Variants in MYT1L observed in about 807,000 individuals in gnomAD.
The protein encoded by MYT1L is myelin transcription factor 1 like.
In MYT1L, 12 loss-of-function variants were observed where a neutral mutation model predicts 126.7. The ratio of observed to expected loss-of-function variants is 0.09; its 90% CI spans 0.06 to 0.15. The LOEUF is 0.15. MYT1L is among the 10% of genes least tolerant of loss of function. The probability of loss-of-function intolerance (pLI) is 1.00; values close to 1 mark genes in which losing one functional copy is unlikely to be tolerated. For synonymous variants in MYT1L, 541 were observed against 604.2 expected, an observed-to-expected ratio of 0.90 and a Z score of 1.53; for missense variants, 979 against 1,585.2, an observed-to-expected ratio of 0.62 and a Z score of 6.49.
At chr2:2,279,792 G>T (rs1342531622) in intron 2 of MYT1L, among the ~76,000 whole-genome samples, 5 of 152,154 alleles carry the variant, frequency 3.3e-5, no homozygotes, top group Non-Finnish European at 7.3e-5. Flanking sequence ...ATACCCTCAA[G>T]CGGGCAACAC....
intron 21 of MYT1L, among the ~76,000 whole-genome samples, chr2:1,820,861 T>G (rs369305431): frequency 1.3e-5 from 2 of 152,134 alleles, no homozygotes; most frequent in South Asian, 4.2e-4. Flanking sequence ...TGACTTTAAG[T>G]AAGGAGATTA....
intron 2 of MYT1L, among the ~76,000 whole-genome samples, chr2:2,256,997 A>C (rs2094829955): frequency 6.6e-6 from 1 of 152,174 alleles, no homozygotes. Flanking sequence ...TTACTGAAAA[A>C]CAGATTTTCA....
At position 2,148,855 on chromosome 2, in the gene MYT1L, G is replaced by T. The variant is rs150116227; in HGVS notation, c.-304+24017C>A. 1.2e-4 allele frequency among the ~76,000 whole-genome samples: 18 copies of T among 152,074 alleles called. No individual in the cohort carries two copies. In the East Asian group the frequency reaches 3.5e-3, roughly 29 times the overall value. The stretch of plus-strand genomic sequence containing the variant: ...GATGCACCCGGATTATTTTATTATG[G>T]AATTCTTCTTATGTGGCATATAGGT... On this transcript the variant is annotated intron_variant, in intron 3 of 24. Coordinates refer to ENST00000647738, the MANE Select transcript of MYT1L (RefSeq NM_001303052.2).
intron 3 of MYT1L, among the ~76,000 whole-genome samples, chr2:2,076,513 A>T (rs2075244629): frequency 6.6e-6 from 1 of 152,200 alleles, no homozygotes; most frequent in African/African-American, 2.4e-5. Context: ...ACTAACCAAT[A>T]AACAGACAAA....
At chr2:2,108,675 C>T (rs369845636) in intron 3 of MYT1L, among the ~76,000 whole-genome samples, 4 of 152,194 alleles carry the variant, frequency 2.6e-5, no homozygotes, top group Admixed American at 1.3e-4. Context: ...CATGTTACTG[C>T]GAAGATCACA....
chr2:2,329,285 T>C (rs867540450), intron 1 of MYT1L, among the ~76,000 whole-genome samples: 5 of 150,158 alleles, frequency 3.3e-5, no homozygotes, highest in Middle Eastern at 3.5e-3. Flanking sequence ...CCAACCAAGA[T>C]TGGTAATTAA....
chr2:2,117,365 G>A (rs1476923312), intron 3 of MYT1L, among the ~76,000 whole-genome samples: 4 of 152,180 alleles, frequency 2.6e-5, no homozygotes, highest in South Asian at 4.1e-4. Flanking sequence ...TGTGGACTCC[G>A]TCTGCATGTT....
intron 2 of MYT1L, among the ~76,000 whole-genome samples, chr2:2,209,855 GT>G (rs1488833856): frequency 6.6e-6 from 1 of 152,114 alleles, no homozygotes; most frequent in Non-Finnish European, 1.5e-5. Context: ...ATGTTTAGTA[GT>G]TTTTTGAGGA....
At chr2:2,014,976 G>A (rs116201284) in intron 4 of MYT1L, among the ~76,000 whole-genome samples, 364 of 152,292 alleles carry the variant, frequency 2.4e-3, no homozygotes, top group African/African-American at 8.2e-3. Context: ...CCTACAAAGG[G>A]CTATTGGATT....
At chr2:1,920,858 A>G (rs1370467274) in intron 10 of MYT1L, among the ~76,000 whole-genome samples, 1 of 152,222 alleles carries the variant, frequency 6.6e-6, no homozygotes, top group Non-Finnish European at 1.5e-5. Context: ...TCTTTCCTCT[A>G]AAAAACAATC....
At chr2:1,988,396 T>A (rs114578211) in intron 5 of MYT1L, among the ~76,000 whole-genome samples, 1 of 152,324 alleles carries the variant, frequency 6.6e-6, no homozygotes, top group African/African-American at 2.4e-5. Flanking sequence ...CAGGGCCCTG[T>A]AGTGGGCAGT....
intron 4 of MYT1L, among the ~76,000 whole-genome samples, chr2:2,028,141 C>T (rs370281931): frequency 6.6e-6 from 1 of 152,256 alleles, no homozygotes; most frequent in Non-Finnish European, 1.5e-5. Context: ...AAGCACAGAG[C>T]AGATGCTGGA....
chr2:1,906,051 GATT>G (rs1273041677), intron 13 of MYT1L, among the ~76,000 whole-genome samples: 1 of 152,010 alleles, frequency 6.6e-6, no homozygotes, highest in East Asian at 1.9e-4. Flanking sequence ...GCTTTTTTAT[GATT>G]ATTTTCATGA....
At chr2:1,882,323 C>T (rs1350142787) in intron 18 of MYT1L, among the ~76,000 whole-genome samples, 1 of 152,138 alleles carries the variant, frequency 6.6e-6, no homozygotes, top group Non-Finnish European at 1.5e-5. Flanking sequence ...CCGAGACATT[C>T]CCATTCACGC....
chr2:2,139,324 A>G (rs1205108648), intron 3 of MYT1L, among the ~76,000 whole-genome samples: 1 of 152,068 alleles, frequency 6.6e-6, no homozygotes, highest in Non-Finnish European at 1.5e-5. Context: ...GTTACAAATG[A>G]ATGTGCATGT....
intron 4 of MYT1L, among the ~76,000 whole-genome samples, chr2:2,046,444 TC>T (rs1431231885): frequency 1.3e-5 from 2 of 152,220 alleles, no homozygotes; most frequent in African/African-American, 4.8e-5. Context: ...AGAATCTTGT[TC>T]TTATAAACAA....
chr2:2,006,548 C>T (rs1336544906), intron 4 of MYT1L, among the ~76,000 whole-genome samples: 4 of 152,072 alleles, frequency 2.6e-5, no homozygotes, highest in Non-Finnish European at 4.4e-5. Context: ...CTGTTTCACT[C>T]TCACCTACGT....
chr2:2,271,366 A>T (rs552659480), intron 2 of MYT1L, among the ~76,000 whole-genome samples: 1 of 152,226 alleles, frequency 6.6e-6, no homozygotes, highest in Non-Finnish European at 1.5e-5. Flanking sequence ...TTCCTAAAAC[A>T]ATGTTCACAC....
intron 18 of MYT1L, 191 bp downstream of exon 18, chr2:1,886,348 A>G (rs975348842): frequency 1.6e-5 from 7 of 427,388 alleles, no homozygotes; most frequent in Non-Finnish European, 2.9e-5. Flanking sequence ...GTCAGGGGAA[A>G]AGGCAGAATG....
Sources: gnomAD v4.1 joint callset for allele counts (sites outside exome capture counted in the v4.1 genomes callset) on GRCh38, gnomAD v4.1.1 for gene constraint, MANE v1.5 for transcripts, NCBI Gene and HGNC (gene_info 2026-07-23, HGNC 2026-07-21) for gene names.